The following GALNT13 variants were observed in gnomAD, a reference collection of about 807,000 sequenced individuals.
The protein encoded by GALNT13 is polypeptide N-acetylgalactosaminyltransferase 13.
A neutral mutation model predicts 64.2 loss-of-function variants in GALNT13; 28 were observed. The observed-to-expected ratio is 0.44, with a 90% CI of 0.32 to 0.60. The LOEUF is 0.60. Among genes scored for constraint, GALNT13 ranks in the 20% least tolerant of loss-of-function variants. The pLI is 0.05. For synonymous variants in GALNT13, 214 were observed against 224.6 expected (o/e 0.95, Z 0.42); for missense variants, 577 against 669.8 (o/e 0.86, Z 1.53).
chr2:154,277,493 C>T (rs1432361653), intron 8 of GALNT13, among the ~76,000 whole-genome samples: 1 of 152,108 alleles, frequency 6.6e-6, no homozygotes, highest in African/African-American at 2.4e-5. Flanking sequence ...GACTACCAAT[C>T]GTTTTACTGT....
At chr2:154,359,686 A>G (rs958650389) in intron 9 of GALNT13, among the ~76,000 whole-genome samples, 5 of 152,068 alleles carry the variant, frequency 3.3e-5, no homozygotes, top group Non-Finnish European at 1.5e-5. Context: ...ATTTTATTTG[A>G]ATGTAAACAC....
At chr2:153,471,905 CAAA>C in the GALNT13 span, among the ~76,000 whole-genome samples, 1 of 152,116 alleles carries the variant, frequency 6.6e-6, no homozygotes, top group South Asian at 2.1e-4. Context: ...TAATGTAAAA[CAAA>C]GAATTGGGGA....
chr2:153,368,882 T>C, the GALNT13 span, among the ~76,000 whole-genome samples: 1 of 151,956 alleles, frequency 6.6e-6, no homozygotes, highest in Non-Finnish European at 1.5e-5. Context: ...TTACTTTAAA[T>C]TGTATATTGA....
intron 3 of GALNT13, among the ~76,000 whole-genome samples, chr2:154,089,478 C>A (rs67045135): frequency 0.047 from 7,099 of 152,030 alleles, 218 homozygotes; most frequent in South Asian, 0.11. Context: ...GGGGGTCAGA[C>A]AAAGGAATAA....
chr2:153,856,086 G>A, the GALNT13 span, among the ~76,000 whole-genome samples: 1 of 152,132 alleles, frequency 6.6e-6, no homozygotes, highest in African/African-American at 2.4e-5. Flanking sequence ...GATATAGGGA[G>A]GGATTACAGA....
chr2:153,800,623 G>A, the GALNT13 span, among the ~76,000 whole-genome samples: 6 of 152,062 alleles, frequency 3.9e-5, no homozygotes, highest in African/African-American at 7.2e-5. Context: ...AATATTATAC[G>A]TCATTTGTTG....
intron 2 of GALNT13, among the ~76,000 whole-genome samples, 180 bp from the exon 3 acceptor site, chr2:153,944,214 A>G (rs1691547892): frequency 6.6e-6 from 1 of 152,190 alleles, no homozygotes; most frequent in Non-Finnish European, 1.5e-5. Context: ...AGGTATTAAA[A>G]TGTTAGCCAA....
the GALNT13 span, among the ~76,000 whole-genome samples, chr2:153,760,900 A>G: frequency 2.6e-5 from 4 of 152,130 alleles, no homozygotes; most frequent in Non-Finnish European, 2.9e-5. Context: ...GTACATATTT[A>G]GGTGTTCCAA....
chr2:153,650,447 G>A, the GALNT13 span, among the ~76,000 whole-genome samples: 2 of 152,256 alleles, frequency 1.3e-5, no homozygotes, highest in Non-Finnish European at 2.9e-5. Context: ...TTTAATTGGA[G>A]CATTTAGCCC....
chr2:154,140,256 C>T (rs1293123167), intron 3 of GALNT13, 81 bp from the exon 4 acceptor site: 3 of 1,020,370 alleles, frequency 2.9e-6, no homozygotes, highest in Non-Finnish European at 4.3e-6. Context: ...GCTTCAGAAT[C>T]TAATCAGACA....
intron 3 of GALNT13, among the ~76,000 whole-genome samples, chr2:154,139,251 T>C (rs1356994887): frequency 1.3e-5 from 2 of 152,106 alleles, no homozygotes; most frequent in Non-Finnish European, 2.9e-5. Context: ...GGATGTGTTC[T>C]ATCCTAGTTT....
At chr2:154,444,078 G>C in intron 12 of GALNT13, among the ~76,000 whole-genome samples, 1 of 152,092 alleles carries the variant, frequency 6.6e-6, no homozygotes, top group East Asian at 1.9e-4. Context: ...AGTGGCATGG[G>C]CCTGTAGTAC....
chr2:153,923,959 G>T (rs981564950), intron 2 of GALNT13, among the ~76,000 whole-genome samples: 8 of 151,856 alleles, frequency 5.3e-5, no homozygotes, highest in Non-Finnish European at 1.2e-4. Flanking sequence ...ATTTGGGTTG[G>T]TTCCAAGTCT....
chr2:153,333,613 C>A, the GALNT13 span, among the ~76,000 whole-genome samples: 1 of 152,150 alleles, frequency 6.6e-6, no homozygotes, highest in Non-Finnish European at 1.5e-5. Flanking sequence ...AACTCATGAT[C>A]TGTGCCGTTA....
chr2:153,225,295 T>A, the GALNT13 span, among the ~76,000 whole-genome samples: 5 of 152,320 alleles, frequency 3.3e-5, no homozygotes, highest in African/African-American at 1.2e-4. Flanking sequence ...TGATTTAAAA[T>A]TTTTTTAAAA....
the GALNT13 span, among the ~76,000 whole-genome samples, chr2:153,309,458 G>A: frequency 6.6e-6 from 1 of 151,844 alleles, no homozygotes; most frequent in South Asian, 2.1e-4. Flanking sequence ...AGCTCAAATA[G>A]AAAGTCATCA....
At chr2:153,363,468 C>A in the GALNT13 span, among the ~76,000 whole-genome samples, 2 of 151,650 alleles carry the variant, frequency 1.3e-5, no homozygotes, top group Non-Finnish European at 2.9e-5. Context: ...AAAAAATTAA[C>A]AAAATAAATA....
the GALNT13 span, among the ~76,000 whole-genome samples, chr2:153,248,499 A>G: frequency 1.3e-5 from 1 of 78,996 alleles, no homozygotes; most frequent in Admixed American, 1.1e-4. Flanking sequence ...AAGGCGTGAG[A>G]TAAAATTCAA....
At chr2:153,105,657 G>A in the GALNT13 span, among the ~76,000 whole-genome samples, 54 of 152,226 alleles carry the variant, frequency 3.5e-4, no homozygotes, top group Admixed American at 2.4e-3. Flanking sequence ...AATCTGATAA[G>A]CAACTTCAGC....
Sources: allele counts gnomAD v4.1 joint callset (sites outside exome capture counted in the v4.1 genomes callset), GRCh38; gene constraint gnomAD v4.1.1; transcripts MANE v1.5; gene names NCBI Gene and HGNC (gene_info 2026-07-23, HGNC 2026-07-21).